The following KCND2 variants were observed in gnomAD, a reference collection of about 807,000 sequenced individuals.
The protein encoded by KCND2 is potassium voltage-gated channel subfamily D member 2.
A neutral mutation model predicts 54.4 loss-of-function variants in KCND2; 16 were observed. That is an observed-to-expected ratio of 0.29 (90% CI 0.20 to 0.45). The LOEUF (loss-of-function observed/expected upper bound fraction) is 0.45. Among genes scored for constraint, KCND2 ranks in the 20% least tolerant of loss-of-function variants. KCND2 has a pLI of 1.00. For missense variants in KCND2, 486 were observed against 824.2 expected, an observed-to-expected ratio of 0.59 and a Z score of 5.02; for synonymous variants, 317 against 310.7, an observed-to-expected ratio of 1.02 and a Z score of -0.21.
chr7:120,590,848 C>A (rs1792662285), intron 1 of KCND2, among the ~76,000 whole-genome samples: 1 of 151,874 alleles, frequency 6.6e-6, no homozygotes, highest in Admixed American at 6.6e-5. Context: ...TATGTAGATC[C>A]TTGTCTAGGA....
At chr7:120,427,175 A>G (rs1801719904) in intron 1 of KCND2, among the ~76,000 whole-genome samples, 2 of 152,108 alleles carry the variant, frequency 1.3e-5, no homozygotes, top group South Asian at 2.1e-4. Context: ...AGCCAGTGCT[A>G]TTTTACTGTT....
chr7:120,617,213 A>G (rs959534901), intron 1 of KCND2, among the ~76,000 whole-genome samples: 1 of 152,196 alleles, frequency 6.6e-6, no homozygotes, highest in Non-Finnish European at 1.5e-5. Flanking sequence ...CCTCTGGATG[A>G]CATTCAAAAT....
Position 120,595,509 on chromosome 7 carries a change from G to A in KCND2, c.1116-137394G>A, listed in dbSNP as rs199756286. Among the ~76,000 whole-genome samples, 141 of 142,316 alleles carry A rather than the reference G, an allele frequency of 9.9e-4. 2 individuals carry two copies. In the East Asian group the frequency reaches 0.026, roughly 26 times the overall value. 93.4% of individuals were successfully genotyped at this position (142,316 alleles called of 152,430 possible). A position where few individuals can be genotyped will look rare whatever the true frequency, so the allele number is the denominator to read the frequency against. ...TATATATATATATATGTGTGTGTGT[G>A]TATATATATGTATATATATGTGTAT... On this transcript the variant is annotated intron_variant, in intron 1 of 5. Coordinates refer to ENST00000331113, the MANE Select transcript of KCND2 (RefSeq NM_012281.3).
At chr7:120,423,848 G>C (rs890555593) in intron 1 of KCND2, among the ~76,000 whole-genome samples, 2 of 152,120 alleles carry the variant, frequency 1.3e-5, no homozygotes, top group Non-Finnish European at 2.9e-5. Flanking sequence ...TCTTTTAGTG[G>C]TTTTCTTTAT....
intron 1 of KCND2, among the ~76,000 whole-genome samples, chr7:120,298,103 G>A (rs1208004133): frequency 6.6e-6 from 1 of 152,072 alleles, no homozygotes; most frequent in Admixed American, 6.6e-5. Context: ...TGCTATGTTG[G>A]ATAGATCCAC....
chr7:120,573,944 A>G (rs1792396076), intron 1 of KCND2, among the ~76,000 whole-genome samples: 1 of 152,220 alleles, frequency 6.6e-6, no homozygotes, highest in African/African-American at 2.4e-5. Context: ...TTCATTAAAT[A>G]ACTTAAAATT....
chr7:120,562,059 G>A (rs182809847), intron 1 of KCND2, among the ~76,000 whole-genome samples: 29 of 152,262 alleles, frequency 1.9e-4, no homozygotes, highest in Admixed American at 3.9e-4. Flanking sequence ...CAGATTCAAC[G>A]TATCTGTTAA....
At chr7:120,464,757 C>T (rs150728036) in intron 1 of KCND2, among the ~76,000 whole-genome samples, 17 of 152,106 alleles carry the variant, frequency 1.1e-4, no homozygotes, top group East Asian at 3.9e-4. Flanking sequence ...TGCTGCCTTG[C>T]GGCCAAGGGG....
chr7:120,582,145 A>G (rs781083171), intron 1 of KCND2, among the ~76,000 whole-genome samples: 7 of 152,006 alleles, frequency 4.6e-5, no homozygotes, highest in African/African-American at 1.7e-4. Flanking sequence ...TTCTCATTAG[A>G]TTTTTTCAGA....
At chr7:120,739,336 C>T (rs530171206) in intron 2 of KCND2, among the ~76,000 whole-genome samples, 2 of 151,962 alleles carry the variant, frequency 1.3e-5, no homozygotes, top group East Asian at 3.9e-4. Context: ...TTTTTGGAAA[C>T]CAATATATAA....
chr7:120,469,393 T>C (rs1802422324), intron 1 of KCND2, among the ~76,000 whole-genome samples: 2 of 152,174 alleles, frequency 1.3e-5, no homozygotes, highest in Non-Finnish European at 2.9e-5. Flanking sequence ...CTTGGAATTT[T>C]AAACATCTTT....
chr7:120,747,613 T>C (rs755142058), intron 5 of KCND2, 68 bp from the exon 6 acceptor site: 42 of 1,083,814 alleles, frequency 3.9e-5, no homozygotes, highest in Non-Finnish European at 5.8e-5. Flanking sequence ...ACAACACATA[T>C]TCTTCAGTTG....
chr7:120,308,381 A>G (rs1362494806), intron 1 of KCND2, among the ~76,000 whole-genome samples: 1 of 152,128 alleles, frequency 6.6e-6, no homozygotes, highest in East Asian at 1.9e-4. Flanking sequence ...TGCCGAGATG[A>G]TACATTACCA....
chr7:120,613,319 T>A (rs140527666), intron 1 of KCND2, among the ~76,000 whole-genome samples: 3 of 152,000 alleles, frequency 2.0e-5, no homozygotes, highest in Admixed American at 2.0e-4. Context: ...TCACATGAGG[T>A]CAGGAGTTCA....
At chr7:120,392,650 G>A (rs1433893305) in intron 1 of KCND2, among the ~76,000 whole-genome samples, 2 of 151,858 alleles carry the variant, frequency 1.3e-5, no homozygotes, top group East Asian at 1.9e-4. Flanking sequence ...TCACGACCAA[G>A]CCTGTGTTAA....
chr7:120,374,308 A>G (rs1800805745), intron 1 of KCND2, among the ~76,000 whole-genome samples: 1 of 151,788 alleles, frequency 6.6e-6, no homozygotes, highest in South Asian at 2.1e-4. Context: ...AAAGTTATGG[A>G]TTTGTAACCA....
chr7:120,593,722 T>C (rs542148012), intron 1 of KCND2, among the ~76,000 whole-genome samples: 1 of 152,232 alleles, frequency 6.6e-6, no homozygotes, highest in Admixed American at 6.5e-5. Context: ...AAGCAGACCA[T>C]TGTCCACACC....
At chr7:120,415,872 G>A (rs113258286) in intron 1 of KCND2, among the ~76,000 whole-genome samples, 19 of 152,284 alleles carry the variant, frequency 1.2e-4, no homozygotes, top group African/African-American at 4.1e-4. Context: ...TTCCTTGTGT[G>A]TTCCATTCTT....
chr7:120,517,276 G>A (rs370089631), intron 1 of KCND2, among the ~76,000 whole-genome samples: 42 of 151,990 alleles, frequency 2.8e-4, no homozygotes, highest in African/African-American at 9.9e-4. Flanking sequence ...CTTTGTTAAT[G>A]ATATAGTCAG....
Sources: gnomAD v4.1 joint callset for allele counts (sites outside exome capture counted in the v4.1 genomes callset) on GRCh38, gnomAD v4.1.1 for gene constraint, MANE v1.5 for transcripts, NCBI Gene and HGNC (gene_info 2026-07-23, HGNC 2026-07-21) for gene names.